USP53: variants seen among roughly 807,000 people sequenced by gnomAD.
The protein encoded by USP53 is ubiquitin specific peptidase 53.
In USP53, 71 loss-of-function variants were observed where a neutral mutation model predicts 94.9. The ratio of observed to expected loss-of-function variants is 0.75; its 90% CI spans 0.62 to 0.91. USP53 has a LOEUF of 0.91. USP53 is among the 40% of genes least tolerant of loss of function. The pLI is 0.00. For missense variants in USP53, 1,173 were observed against 1,281.0 expected, an observed-to-expected ratio of 0.92 and a Z score of 1.29; for synonymous variants, 375 against 422.7, an observed-to-expected ratio of 0.89 and a Z score of 1.39.
At chr4:119,256,136 G>T in intron 7 of USP53, 110 bp from the exon 8 acceptor site, 1 of 727,558 alleles carries the variant, frequency 1.4e-6, no homozygotes, top group African/African-American at 1.8e-5. Context: ...CTAACAATAT[G>T]TATGACACTC....
intron 7 of USP53, among the ~76,000 whole-genome samples, chr4:119,254,331 A>G (rs1161231154): frequency 2.0e-5 from 3 of 152,102 alleles, no homozygotes; most frequent in Non-Finnish European, 2.9e-5. Flanking sequence ...ACTTGGTTCC[A>G]TTCTCCCCAT....
intron 18 of USP53, among the ~76,000 whole-genome samples, 187 bp downstream of exon 18, chr4:119,291,448 ATTGT>A (rs1754753611): frequency 1.3e-5 from 2 of 149,204 alleles, no homozygotes; most frequent in African/African-American, 4.9e-5. Context: ...ACAGTATCTG[ATTGT>A]CTGTTTCAAT....
At chr4:119,265,914 C>A (rs1561291406) in intron 12 of USP53, among the ~76,000 whole-genome samples, 3 of 152,172 alleles carry the variant, frequency 2.0e-5, no homozygotes, top group Non-Finnish European at 2.9e-5. Flanking sequence ...AAAATACACC[C>A]ATTTTAAGTG....
rs549087794 is a variant in USP53, at chr4:119,247,277, C to T, written c.238-1471C>T. On this transcript the variant is annotated intron_variant, in intron 6 of 18. Transcript: ENST00000692078. ...GTCAAAAACACACATAAACACATTG[C>T]ATTTTAGCCAAACTGGGCTCTATTT... Among the ~76,000 whole-genome samples the T allele has an allele frequency of 2.6e-5, 4 of 152,280 alleles. No individual in the cohort carries two copies. In the East Asian group the frequency reaches 7.7e-4, roughly 29 times the overall value.
At chr4:119,255,759 C>T (rs1249928982) in intron 7 of USP53, among the ~76,000 whole-genome samples, 5 of 152,254 alleles carry the variant, frequency 3.3e-5, no homozygotes, top group Non-Finnish European at 5.9e-5. Flanking sequence ...GCTGCACTCA[C>T]TGTCCAACCA....
At chr4:119,264,743 T>C (rs1187336846) in intron 12 of USP53, among the ~76,000 whole-genome samples, 8 of 152,224 alleles carry the variant, frequency 5.3e-5, no homozygotes, top group Admixed American at 5.2e-4. Context: ...AAATTGAACA[T>C]TCACTTTCAA....
chr4:119,247,342 T>C (rs1748385928), intron 6 of USP53, among the ~76,000 whole-genome samples: 1 of 152,148 alleles, frequency 6.6e-6, no homozygotes, highest in African/African-American at 2.4e-5. Context: ...CTCATTGTTA[T>C]TCCTTTTGTC....
intron 4 of USP53, among the ~76,000 whole-genome samples, chr4:119,238,248 T>G (rs1304600172): frequency 5.9e-5 from 9 of 152,192 alleles, no homozygotes; most frequent in Admixed American, 5.9e-4. Context: ...AGCTTTTGAC[T>G]GAAAATGAGA....
intron 4 of USP53, among the ~76,000 whole-genome samples, chr4:119,238,081 A>G (rs748595171): frequency 5.3e-5 from 8 of 152,196 alleles, no homozygotes; most frequent in Admixed American, 1.3e-4. Flanking sequence ...TCACTTTCTT[A>G]TCATTCAGGT....
chr4:119,231,779 CA>C (rs772139538), intron 3 of USP53, among the ~76,000 whole-genome samples: 29 of 152,038 alleles, frequency 1.9e-4, no homozygotes, highest in Non-Finnish European at 3.7e-4. Context: ...TCACACAGGG[CA>C]CACTGATTTC....
intron 3 of USP53, among the ~76,000 whole-genome samples, chr4:119,234,697 T>C (rs35916640): frequency 0.29 from 44,011 of 152,142 alleles, 6,521 homozygotes; most frequent in East Asian, 0.39. Flanking sequence ...GTATGCAAGG[T>C]TTCAGGATCA....
At chr4:119,249,721 G>A (rs1040296549) in intron 7 of USP53, among the ~76,000 whole-genome samples, 1 of 147,656 alleles carries the variant, frequency 6.8e-6, no homozygotes, top group African/African-American at 2.5e-5. Flanking sequence ...CTGGGGTGCA[G>A]TGGTGTGATC....
chr4:119,262,126 T>A (rs1255608800), intron 12 of USP53, among the ~76,000 whole-genome samples: 1 of 152,240 alleles, frequency 6.6e-6, no homozygotes, highest in Non-Finnish European at 1.5e-5. Flanking sequence ...AATATGTAAC[T>A]ATCAGTGATC....
intron 2 of USP53, among the ~76,000 whole-genome samples, chr4:119,215,450 A>G (rs999085392): frequency 1.3e-5 from 2 of 152,150 alleles, no homozygotes; most frequent in African/African-American, 4.8e-5. Context: ...TACCATAGAT[A>G]CCATGTACAG....
chr4:119,243,303 G>A (rs1747789561), intron 5 of USP53, among the ~76,000 whole-genome samples: 1 of 152,094 alleles, frequency 6.6e-6, no homozygotes, highest in Non-Finnish European at 1.5e-5. Context: ...TTTGAGACCA[G>A]CTTAGCGAAC....
intron 12 of USP53, among the ~76,000 whole-genome samples, 200 bp from the exon 13 acceptor site, chr4:119,267,120 A>G (rs1384070113): frequency 6.6e-6 from 1 of 152,198 alleles, no homozygotes; most frequent in African/African-American, 2.4e-5. Flanking sequence ...TGCCCGTCAA[A>G]TTTTTAAAAG....
chr4:119,224,067 T>C (rs550454469), intron 3 of USP53, among the ~76,000 whole-genome samples: 2 of 152,348 alleles, frequency 1.3e-5, no homozygotes, highest in Non-Finnish European at 2.9e-5. Context: ...TGGTGCTATC[T>C]TGGCTCACTG....
chr4:119,255,586 G>A (rs1749649258), intron 7 of USP53, among the ~76,000 whole-genome samples: 1 of 152,202 alleles, frequency 6.6e-6, no homozygotes, highest in Admixed American at 6.5e-5. Context: ...TGGTCTGCTG[G>A]TTGGTAAGAC....
Position 119,259,919 on chromosome 4 carries a change from A to ATG in USP53, c.671_672dup (p.Pro225ValfsTer9). 6.2e-7 allele frequency: 1 copy of ATG among 1,605,924 alleles called. No homozygotes were observed. Among genetic ancestry groups the ATG allele is most frequent in the South Asian group, 1.1e-5 (1 of 89,804 alleles). ...CAAATACAACAGATGACTATAGGAAATGTCCTGTAAGTATAGTTTGGAGAA... is the reference window on the plus strand; with the variant it reads ...CAAATACAACAGATGACTATAGGAAATGTGTCCTGTAAGTATAGTTTGGAGAA... On this transcript the variant is annotated frameshift_variant, in exon 10 of 19. Transcript: ENST00000692078. LOFTEE classifies it high-confidence loss of function.
Sources: allele counts gnomAD v4.1 joint callset (sites outside exome capture counted in the v4.1 genomes callset), GRCh38; gene constraint gnomAD v4.1.1; transcripts MANE v1.5; gene names NCBI Gene and HGNC (gene_info 2026-07-23, HGNC 2026-07-21).